Variants in NUMBL observed in about 807,000 individuals in gnomAD.
NUMBL encodes numb-like protein.
NUMBL carries 20 observed loss-of-function variants against 48.9 expected under a neutral mutation model. The observed-to-expected ratio is 0.41, with a 90% CI of 0.29 to 0.59. The LOEUF (loss-of-function observed/expected upper bound fraction) is 0.59, where lower values mean the gene tolerates loss of function less well. Ranked by LOEUF, NUMBL falls within the 20% of genes least tolerant of loss-of-function variation. The pLI is 0.31. For synonymous variants in NUMBL, 340 were observed against 348.7 expected, an observed-to-expected ratio of 0.98 and a Z score of 0.28; for missense variants, 660 against 846.2, an observed-to-expected ratio of 0.78 and a Z score of 2.73.
rs751722142 is a variant in NUMBL, at chr19:40,673,403, C to T, written c.977G>A (p.Arg326Gln). ...NSPFKRQLSL[R>Q]LNELPSTLQR... is the part of the protein sequence containing the mutation. ...CAGCGTGGATGGCAGCTCATTCAGC[C>T]GTAGGCTCAGCTGCCGTTTGAAAGG... Residue 326 changes from arginine to glutamine, a missense_variant, in exon 8 of 10, where the codon CGG (arginine) becomes CAG (glutamine). Arg to Gln is a conservative substitution (Grantham distance 43, BLOSUM62 1). Coordinates refer to ENST00000252891, the MANE Select transcript of NUMBL (RefSeq NM_004756.5). The surrounding 1 kb of genome is among the most constrained non-coding windows in gnomAD (Gnocchi z 5.9). 5 of 1,613,548 alleles carry T rather than the reference C, an allele frequency of 3.1e-6. No homozygotes were observed. Among genetic ancestry groups the T allele is most frequent in the Admixed American group, 1.7e-5 (1 of 59,986 alleles).
intron 2 of NUMBL, 103 bp from the exon 3 acceptor site, chr19:40,684,659 G>T: frequency 7.0e-7 from 1 of 1,435,958 alleles, no homozygotes; most frequent in Non-Finnish European, 9.2e-7. Context: ...CAGATAACAA[G>T]ATAACTGGAA....
At position 40,682,715 on chromosome 19, in the gene NUMBL, A is replaced by G. The variant is rs1157166549; in HGVS notation, c.399+13T>C. On this transcript the variant is annotated intron_variant, in intron 5 of 9. Transcript: ENST00000252891. This position sits in a 1 kb window ranked among gnomAD's most constrained non-coding sequence, Gnocchi z 4.0. ...GACAGGCCCCCTGGCGTCCACCCCC[A>G]CAGGCCTCCTACCTTGGTTTTGTCG... 1.2e-6 allele frequency: 2 copies of G among 1,613,382 alleles called. No individual in the cohort carries two copies. The highest frequency in any genetic ancestry group is 2.2e-5 in the East Asian group (1 of 44,872).
Position 40,668,094 on chromosome 19 carries a change from A to T in NUMBL, c.1204T>A (p.Phe402Ile). 6.2e-7 allele frequency: 1 copy of T among 1,602,986 alleles called. No individual in the cohort carries two copies. The highest frequency in any genetic ancestry group is 8.5e-7 in the Non-Finnish European group (1 of 1,175,486). Residue 402 changes from phenylalanine to isoleucine, a missense_variant, in exon 10 of 10, where the codon TTC becomes ATC. Physicochemically the swap from Phe to Ile is conservative, Grantham distance 21 (BLOSUM62 0). Transcript: ENST00000252891. ...GEPSVPPAAA[F>I]QPGHKRTPSE... is the part of the protein sequence containing the mutation. ...GGTGTCCGCTTGTGCCCAGGCTGGA[A>T]GGCAGCTGCAGGGGGCACGGAGGGC...
At chr19:40,683,162 A>T (rs1254520236) in intron 3 of NUMBL, 194 bp from the exon 4 acceptor site, 4 of 638,316 alleles carry the variant, frequency 6.3e-6, no homozygotes, top group Non-Finnish European at 1.1e-5. Flanking sequence ...GGGAAACTGA[A>T]GCACAGCACG....
At chr19:40,669,209 G>T (rs2081832843) in intron 9 of NUMBL, among the ~76,000 whole-genome samples, 1 of 152,036 alleles carries the variant, frequency 6.6e-6, no homozygotes, top group Non-Finnish European at 1.5e-5. Flanking sequence ...TGATCCTCTG[G>T]TTCTAAGATG....
Position 40,684,503 on chromosome 19 carries a change from C to A in NUMBL, c.163G>T (p.Ala55Ser). ...LRQSLRRRKPAYVPEASRPHQ... is the reference protein window; with the variant it reads ...LRQSLRRRKPSYVPEASRPHQ... ...GGGCGCGACGCCTCGGGCACGTAGG[C>A]TGGCTTCCTCCGCCGCAGGCTCTGC... Residue 55 changes from alanine (A) to serine (S), a missense_variant, in exon 3 of 10, where the codon GCC (alanine) becomes TCC (serine). Ala to Ser is a moderately conservative substitution (Grantham distance 99). Coordinates refer to ENST00000252891, the MANE Select transcript of NUMBL (RefSeq NM_004756.5). The A allele has an allele frequency of 1.2e-6, 2 of 1,604,378 alleles. No individual in the cohort carries two copies. The highest frequency in any genetic ancestry group is 1.7e-6 in the Non-Finnish European group (2 of 1,176,012).
chr19:40,667,810 G>A lies in NUMBL; in HGVS notation c.1488C>T (p.Gly496=), dbSNP rs1164932151. The change falls in exon 10 of 10, where the codon GGC becomes GGT. Residue 496 remains glycine, a synonymous_variant. Coordinates refer to ENST00000252891, the MANE Select transcript of NUMBL (RefSeq NM_004756.5). This position sits in a 1 kb window ranked among gnomAD's most constrained non-coding sequence, Gnocchi z 6.1. ...MQPPFVPAYP[G]LGYPPMPRVP... is the part of the protein sequence containing the mutation. The stretch of plus-strand genomic sequence containing the variant: ...CCCGGGGCATCGGTGGGTAGCCCAA[G>A]CCCGGGTAGGCGGGCACAAAAGGGG... 3.2e-6 allele frequency: 5 copies of A among 1,584,526 alleles called. No homozygotes were observed. Among genetic ancestry groups the A allele is most frequent in the African/African-American group, 1.3e-5 (1 of 74,392 alleles).
chr19:40,679,759 G>C (rs1431614609), intron 6 of NUMBL, among the ~76,000 whole-genome samples: 1 of 152,094 alleles, frequency 6.6e-6, no homozygotes, highest in East Asian at 1.9e-4. Context: ...GAAATATCCA[G>C]AATAGGTAAA....
At chr19:40,669,431 G>A (rs948671552) in intron 9 of NUMBL, among the ~76,000 whole-genome samples, 1 of 151,688 alleles carries the variant, frequency 6.6e-6, no homozygotes, top group Non-Finnish European at 1.5e-5. Flanking sequence ...ATGATCCCTG[G>A]GTCTAAGGTG....
Position 40,667,676 on chromosome 19 carries a change from G to T in NUMBL, c.1622C>A (p.Pro541Gln). Residue 541 changes from proline (P) to glutamine (Q), a missense_variant, in exon 10 of 10, where the codon CCG becomes CAG. Around this residue, in one of 3 missense-constraint regions of NUMBL, gnomAD observed 296 missense variants for 339.7 expected, o/e 0.87. Coordinates refer to ENST00000252891, the MANE Select transcript of NUMBL (RefSeq NM_004756.5). The surrounding 1 kb of genome is among the most constrained non-coding windows in gnomAD (Gnocchi z 6.1). ...AGGGGCACTGGGTATGGCAGGGGGCGGGAAGGCCCCAGCTTTCCCAAGCAG... is the reference window on the plus strand; with the variant it reads ...AGGGGCACTGGGTATGGCAGGGGGCTGGAAGGCCCCAGCTTTCCCAAGCAG... ...ATLLGKAGAF[P>Q]PPAIPSAPGS... 6.4e-7 allele frequency: 1 copy of T among 1,569,760 alleles called. No homozygotes were observed. The highest frequency in any genetic ancestry group is 8.6e-7 in the Non-Finnish European group (1 of 1,157,942).
At position 40,673,948 on chromosome 19, in the gene NUMBL, C is replaced by A. The variant is rs1392675781; in HGVS notation, c.731-299G>T. ...TTCTTCCCTCTAAGACCCTCTATCTCCCTTTTTGATCACTTAACAAACACT... is the reference window on the plus strand; with the variant it reads ...TTCTTCCCTCTAAGACCCTCTATCTACCTTTTTGATCACTTAACAAACACT... On this transcript the variant is annotated intron_variant, in intron 7 of 9. Coordinates refer to ENST00000252891, the MANE Select transcript of NUMBL (RefSeq NM_004756.5). This position sits in a 1 kb window ranked among gnomAD's most constrained non-coding sequence, Gnocchi z 5.9. 6.6e-6 allele frequency among the ~76,000 whole-genome samples: 1 copy of A among 152,158 alleles called. No individual in the cohort carries two copies. The highest frequency in any genetic ancestry group is 1.5e-5 in the Non-Finnish European group (1 of 68,034).
chr19:40,684,718 G>A, intron 2 of NUMBL, 162 bp from the exon 3 acceptor site: 2 of 1,003,558 alleles, frequency 2.0e-6, no homozygotes, highest in Non-Finnish European at 2.8e-6. Context: ...AGCAGCTCAA[G>A]TCAGGGGACA....
At chr19:40,675,911 G>T (rs1241635425) in intron 7 of NUMBL, among the ~76,000 whole-genome samples, 3 of 151,540 alleles carry the variant, frequency 2.0e-5, no homozygotes, top group Non-Finnish European at 4.4e-5. Flanking sequence ...TGTCACCCAG[G>T]TTGGAGTGTG....
In NUMBL at chr19:40,682,065, C is replaced by T. The variant is rs752005292; in HGVS notation, c.399+663G>A. Among the ~76,000 whole-genome samples the T allele has an allele frequency of 5.3e-4, 81 of 152,300 alleles. No individual in the cohort carries two copies. The highest frequency in any genetic ancestry group is 9.7e-4 in the Non-Finnish European group (66 of 68,026). On this transcript the variant is annotated intron_variant, in intron 5 of 9. Coordinates refer to ENST00000252891, the MANE Select transcript of NUMBL (RefSeq NM_004756.5). This position sits in a 1 kb window ranked among gnomAD's most constrained non-coding sequence, Gnocchi z 4.0. The stretch of plus-strand genomic sequence containing the variant: ...TGAACTCCTGGCTTCAAGGGGCCCT[C>T]CCAGCCAGGCACCATTTCAAATAAC...
Position 40,688,974 on chromosome 19 carries a change from C to G in NUMBL, c.24+1486G>C, listed in dbSNP as rs1361251659. On this transcript the variant is annotated intron_variant, in intron 1 of 9. Transcript: ENST00000252891. The surrounding 1 kb of genome is among the most constrained non-coding windows in gnomAD (Gnocchi z 4.6). ...ATACTGTCACACAACCCCAGTCACA[C>G]AGATACAATGTGACTTCAGACACAA... Among the ~76,000 whole-genome samples, 1 of 152,228 alleles carries G rather than the reference C, an allele frequency of 6.6e-6. No homozygotes were observed. The highest frequency in any genetic ancestry group is 1.5e-5 in the Non-Finnish European group (1 of 68,044).
chr19:40,682,621 G>A lies in NUMBL; in HGVS notation c.399+107C>T. On this transcript the variant is annotated intron_variant, in intron 5 of 9. Transcript: ENST00000252891. This position sits in a 1 kb window ranked among gnomAD's most constrained non-coding sequence, Gnocchi z 4.0. ...GGGAGCACACGGCATCGTCTAGAAGGTCCCTGAGGGAGGGATGTGCAGAGG... is the reference window on the plus strand; with the variant it reads ...GGGAGCACACGGCATCGTCTAGAAGATCCCTGAGGGAGGGATGTGCAGAGG... 1.0e-6 allele frequency: 1 copy of A among 970,148 alleles called. No individual in the cohort carries two copies. Among genetic ancestry groups the A allele is most frequent in the Non-Finnish European group, 1.6e-6 (1 of 633,252 alleles). The allele number at this position is 970,148 out of a possible 1,614,324, so 60.1% of individuals were successfully genotyped here.
chr19:40,677,454 G>T, intron 6 of NUMBL, 33 bp from the exon 7 acceptor site: 1 of 1,589,374 alleles, frequency 6.3e-7, no homozygotes. Flanking sequence ...GGGGTTAGAG[G>T]CGCTGGGCAG....
intron 9 of NUMBL, 52 bp from the exon 10 acceptor site, chr19:40,668,190 G>A: frequency 5.9e-6 from 9 of 1,522,448 alleles, no homozygotes; most frequent in Non-Finnish European, 8.0e-6. Flanking sequence ...TTCAGCAGAA[G>A]AACCCCAGGC....
At chr19:40,683,571 G>A (rs1202781990) in intron 3 of NUMBL, among the ~76,000 whole-genome samples, 1 of 152,208 alleles carries the variant, frequency 6.6e-6, no homozygotes, top group African/African-American at 2.4e-5. Flanking sequence ...GTGGTGGAGG[G>A]GCTGTGACCA....
Sources: gnomAD v4.1 joint callset for allele counts (sites outside exome capture counted in the v4.1 genomes callset) on GRCh38, gnomAD v4.1.1 for gene constraint, gnomAD v4.1.1 regional missense constraint, Gnocchi (gnomAD v3.1) non-coding constraint, MANE v1.5 for transcripts, NCBI Gene and HGNC (gene_info 2026-07-23, HGNC 2026-07-21) for gene names.